PLCB1: variants seen among roughly 807,000 people sequenced by gnomAD.
PLCB1 encodes 1-phosphatidylinositol 4,5-bisphosphate phosphodiesterase beta-1.
PLCB1 carries 46 observed loss-of-function variants against 161.8 expected under a neutral mutation model. The ratio of observed to expected loss-of-function variants is 0.28; its 90% confidence interval spans 0.22 to 0.36. The LOEUF (loss-of-function observed/expected upper bound fraction) is 0.36. Ranked by LOEUF, PLCB1 falls within the 10% of genes least tolerant of loss-of-function variation. The pLI, the probability that PLCB1 is intolerant of heterozygous loss-of-function variation, is 1.00. For missense variants in PLCB1, 1,016 were observed against 1,472.5 expected (o/e 0.69, Z 5.07); for synonymous variants, 517 against 503.7 (o/e 1.03, Z -0.35).
intron 3 of PLCB1, among the ~76,000 whole-genome samples, chr20:8,610,775 T>C (rs1234411086): frequency 6.6e-6 from 1 of 152,010 alleles, no homozygotes; most frequent in East Asian, 1.9e-4. Context: ...TAAGAAACCA[T>C]TGCCTAACCC....
At chr20:8,520,515 C>CT (rs1984307853) in intron 3 of PLCB1, among the ~76,000 whole-genome samples, 1 of 152,012 alleles carries the variant, frequency 6.6e-6, no homozygotes. Flanking sequence ...TCTAACAGTA[C>CT]TTTATTAAAG....
chr20:8,505,341 A>C (rs540770712), intron 3 of PLCB1, among the ~76,000 whole-genome samples: 1 of 152,192 alleles, frequency 6.6e-6, no homozygotes, highest in African/African-American at 2.4e-5. Context: ...AGTTTGCTCT[A>C]TCTCAACCCA....
intron 2 of PLCB1, among the ~76,000 whole-genome samples, chr20:8,349,144 A>G (rs1986095807): frequency 6.6e-6 from 1 of 152,196 alleles, no homozygotes; most frequent in African/African-American, 2.4e-5. Flanking sequence ...CAATAGAATC[A>G]GTGGTGCACA....
Position 8,851,712 on chromosome 20 carries a change from G to T in PLCB1, c.3424-29910G>T, listed in dbSNP as rs531606161. 3.9e-3 allele frequency among the ~76,000 whole-genome samples: 551 copies of T among 142,996 alleles called. 2 individuals are homozygous for T. Among genetic ancestry groups the T allele is most frequent in the African/African-American group, 0.014 (529 of 39,024 alleles). The allele number at this position is 142,996 out of a possible 152,430, so 93.8% of individuals were successfully genotyped here. ...GCTTCCATCTCCATTTCTTTTTTTGGTTTTTTTTTTTTTCATTTTTTTCAT... is the reference window on the plus strand; with the variant it reads ...GCTTCCATCTCCATTTCTTTTTTTGTTTTTTTTTTTTTTCATTTTTTTCAT... On this transcript the variant is annotated intron_variant, in intron 31 of 31. Coordinates refer to ENST00000338037, the MANE Select transcript of PLCB1 (RefSeq NM_015192.4).
chr20:8,819,380 A>G (rs1235279829), intron 31 of PLCB1, among the ~76,000 whole-genome samples: 2 of 152,180 alleles, frequency 1.3e-5, no homozygotes, highest in African/African-American at 4.8e-5. Flanking sequence ...TGGTTTCAAG[A>G]ATTAAATATG....
At chr20:8,298,137 A>G (rs1284471464) in intron 2 of PLCB1, among the ~76,000 whole-genome samples, 1 of 151,946 alleles carries the variant, frequency 6.6e-6, no homozygotes, top group East Asian at 1.9e-4. Context: ...TCTACCAAAA[A>G]TAATTAAAAT....
At chr20:8,352,336 T>A in intron 2 of PLCB1, among the ~76,000 whole-genome samples, 1 of 152,074 alleles carries the variant, frequency 6.6e-6, no homozygotes, top group East Asian at 1.9e-4. Flanking sequence ...TAGAGGAGAT[T>A]GAAAAGGTGA....
intron 3 of PLCB1, among the ~76,000 whole-genome samples, chr20:8,508,995 C>T (rs377166288): frequency 2.0e-4 from 30 of 152,272 alleles, no homozygotes; most frequent in East Asian, 1.9e-3. Flanking sequence ...TCAGATAATG[C>T]ATTCCTTTAT....
At chr20:8,824,198 A>G (rs1220948561) in intron 31 of PLCB1, among the ~76,000 whole-genome samples, 3 of 152,120 alleles carry the variant, frequency 2.0e-5, no homozygotes, top group Non-Finnish European at 2.9e-5. Flanking sequence ...TAGGACACAC[A>G]TTGCCTAGAG....
intron 3 of PLCB1, among the ~76,000 whole-genome samples, chr20:8,424,077 A>G (rs1979646097): frequency 6.6e-6 from 1 of 152,152 alleles, no homozygotes; most frequent in East Asian, 1.9e-4. Context: ...TCCATTTTAC[A>G]ATTCCTTATT....
chr20:8,539,624 CT>C (rs1400900781), intron 3 of PLCB1, among the ~76,000 whole-genome samples: 3 of 68,794 alleles, frequency 4.4e-5, no homozygotes, highest in East Asian at 7.8e-4. Flanking sequence ...TATTTTCTTT[CT>C]TTCTTTCTTT....
At chr20:8,430,133 C>T (rs920463277) in intron 3 of PLCB1, among the ~76,000 whole-genome samples, 11 of 151,856 alleles carry the variant, frequency 7.2e-5, no homozygotes, top group African/African-American at 2.7e-4. Context: ...GGGTGTGAAT[C>T]TACAGATAGA....
Position 8,150,337 on chromosome 20 carries a change from A to G in PLCB1, c.143A>G (p.Gln48Arg). 1 of 1,570,396 alleles carries G rather than the reference A, an allele frequency of 6.4e-7. No individual in the cohort carries two copies. The highest frequency in any genetic ancestry group is 8.7e-7 in the Non-Finnish European group (1 of 1,146,998). The change falls in exon 2 of 32, where the codon CAG becomes CGG. Residue 48 changes from glutamine (Q) to arginine (R), a missense_variant. Transcript: ENST00000338037. ...VTPIILRTDP[Q>R]GFFFYWTDQN... ...CCAATTATTTTGAGGACTGACCCTCAGGGATTTTTCTTTTACTGGACAGAT... is the reference window on the plus strand; with the variant it reads ...CCAATTATTTTGAGGACTGACCCTCGGGGATTTTTCTTTTACTGGACAGAT...
chr20:8,306,748 T>G lies in PLCB1; in HGVS notation c.178-64634T>G, dbSNP rs182156190. ...TTTACCCAATTTTTTTGTTCAATTT[T>G]GTACGTGAACAGTTTAAGGAATCTT... is the stretch of plus-strand genomic sequence containing the variant. On this transcript the variant is annotated intron_variant, in intron 2 of 31. Transcript: ENST00000338037. 2.3e-4 allele frequency among the ~76,000 whole-genome samples: 35 copies of G among 152,350 alleles called. 1 individual carries two copies. Among genetic ancestry groups the G allele is most frequent in the Middle Eastern group, 6.8e-3 (2 of 294 alleles).
chr20:8,487,654 T>C (rs1041172902), intron 3 of PLCB1, among the ~76,000 whole-genome samples: 1 of 152,206 alleles, frequency 6.6e-6, no homozygotes, highest in African/African-American at 2.4e-5. Flanking sequence ...GGTGGGGATA[T>C]GTGAAACTTC....
intron 3 of PLCB1, among the ~76,000 whole-genome samples, chr20:8,387,178 C>A (rs1987448573): frequency 6.6e-6 from 1 of 152,198 alleles, no homozygotes; most frequent in African/African-American, 2.4e-5. Flanking sequence ...GACTGCTTGG[C>A]ACAAGTGGTC....
At chr20:8,471,545 A>G (rs182657674) in intron 3 of PLCB1, among the ~76,000 whole-genome samples, 2 of 152,296 alleles carry the variant, frequency 1.3e-5, no homozygotes, top group African/African-American at 4.8e-5. Flanking sequence ...GGATCCTGAC[A>G]TTTTATGAAA....
At chr20:8,851,921 A>G (rs6039305) in intron 31 of PLCB1, among the ~76,000 whole-genome samples, 142,302 of 152,212 alleles carry the variant, frequency 0.93, 67,037 homozygotes, top group East Asian at 0.99. Context: ...ACAGGCAAAA[A>G]CTGGAAACAA....
At chr20:8,660,613 G>T (rs1336404300) in intron 9 of PLCB1, among the ~76,000 whole-genome samples, 1 of 151,998 alleles carries the variant, frequency 6.6e-6, no homozygotes, top group Non-Finnish European at 1.5e-5. Flanking sequence ...AGAAAAAATT[G>T]TGATAGATTA....
Sources: allele counts gnomAD v4.1 joint callset (sites outside exome capture counted in the v4.1 genomes callset), GRCh38; gene constraint gnomAD v4.1.1; transcripts MANE v1.5; gene names NCBI Gene and HGNC (gene_info 2026-07-23, HGNC 2026-07-21).